The following RNF24 variants were observed in gnomAD, a reference collection of about 807,000 sequenced individuals.
RNF24 encodes the protein ring finger protein 24.
In RNF24, 14 loss-of-function variants were observed where a neutral mutation model predicts 20.0. The observed-to-expected ratio is 0.70, with a 90% CI of 0.46 to 1.10. The LOEUF is 1.10. Ranked by LOEUF, RNF24 falls within the 50% of genes least tolerant of loss-of-function variation. The pLI, the probability that RNF24 is intolerant of heterozygous loss-of-function variation, is 0.00. For synonymous variants in RNF24, 45 were observed against 61.1 expected (o/e 0.74, Z 1.23); for missense variants, 124 against 177.6 (o/e 0.70, Z 1.71).
intron 1 of RNF24, among the ~76,000 whole-genome samples, chr20:3,965,955 G>A: frequency 6.6e-6 from 1 of 151,946 alleles, no homozygotes; most frequent in Non-Finnish European, 1.5e-5. Context: ...CCAACATGGC[G>A]ACAATGTGTC....
At chr20:3,964,061 A>G in intron 1 of RNF24, 37 bp from the exon 2 acceptor site, 2 of 1,597,456 alleles carry the variant, frequency 1.3e-6, no homozygotes, top group Non-Finnish European at 1.7e-6. Flanking sequence ...AAAATAGGTA[A>G]AGACTAAGAA....
At chr20:3,992,412 G>A (rs975030417) in intron 1 of RNF24, among the ~76,000 whole-genome samples, 4 of 152,048 alleles carry the variant, frequency 2.6e-5, no homozygotes, top group Non-Finnish European at 5.9e-5. Flanking sequence ...CATGAAATAC[G>A]GACTTAGAAT....
chr20:4,010,005 C>G (rs1982315142), intron 1 of RNF24, among the ~76,000 whole-genome samples: 1 of 148,308 alleles, frequency 6.7e-6, no homozygotes, highest in South Asian at 2.2e-4. Flanking sequence ...GAGCCGAGAT[C>G]ACGCCACTGC....
At position 3,932,931 on chromosome 20, in the gene RNF24, C is replaced by A. The variant is rs1202989887; in HGVS notation, c.*1132G>T. 5.0e-6 allele frequency: 2 copies of A among 398,608 alleles called. No homozygotes were observed. Among genetic ancestry groups the A allele is most frequent in the East Asian group, 7.1e-5 (2 of 28,080 alleles). The allele number at this position is 398,608 out of a possible 1,614,324, so 24.7% of individuals were successfully genotyped here. ...ACTTTCAGTTTCGGAAGTCCAAATACTGAGGCACACACCAACGGTGGACAG... is the reference window on the plus strand; with the variant it reads ...ACTTTCAGTTTCGGAAGTCCAAATAATGAGGCACACACCAACGGTGGACAG... On this transcript the variant is annotated 3_prime_UTR_variant, in exon 6 of 6. Coordinates refer to ENST00000358395, the MANE Select transcript of RNF24 (RefSeq NM_001134337.3).
intron 1 of RNF24, among the ~76,000 whole-genome samples, chr20:4,014,106 A>G (rs1028689173): frequency 5.3e-5 from 8 of 152,226 alleles, no homozygotes; most frequent in Admixed American, 1.3e-4. Context: ...GGAGATGAGG[A>G]CAATGAAAAA....
At chr20:3,935,766 G>A (rs547566537) in intron 4 of RNF24, among the ~76,000 whole-genome samples, 3 of 152,340 alleles carry the variant, frequency 2.0e-5, no homozygotes, top group African/African-American at 7.2e-5. Context: ...ACCAGGGCCC[G>A]TGGATACCAT....
intron 4 of RNF24, among the ~76,000 whole-genome samples, chr20:3,936,413 C>T (rs990350804): frequency 2.0e-5 from 3 of 152,184 alleles, no homozygotes; most frequent in African/African-American, 7.2e-5. Context: ...GTCATCAGCT[C>T]AGCTTGGGGG....
At chr20:3,953,562 T>A (rs2091106936) in intron 2 of RNF24, among the ~76,000 whole-genome samples, 1 of 149,212 alleles carries the variant, frequency 6.7e-6, no homozygotes, top group Non-Finnish European at 1.5e-5. Context: ...CCTCCCAGGT[T>A]CAAGCAAGTC....
chr20:3,943,975 C>T (rs2090987056), intron 4 of RNF24, among the ~76,000 whole-genome samples: 1 of 151,954 alleles, frequency 6.6e-6, no homozygotes, highest in Non-Finnish European at 1.5e-5. Context: ...TTTGGGAGGC[C>T]GAGGTGGGTG....
chr20:4,013,730 C>T (rs748496999), intron 1 of RNF24, among the ~76,000 whole-genome samples: 23 of 152,208 alleles, frequency 1.5e-4, no homozygotes, highest in Non-Finnish European at 3.1e-4. Context: ...GGTGATCCAC[C>T]CACCTCGGCC....
chr20:3,996,681 A>T (rs1211400368), intron 1 of RNF24, among the ~76,000 whole-genome samples: 1 of 152,200 alleles, frequency 6.6e-6, no homozygotes, highest in Non-Finnish European at 1.5e-5. Flanking sequence ...TGGCCAATGT[A>T]ACTGATGCAC....
chr20:3,968,503 A>G (rs2091282999), intron 1 of RNF24, among the ~76,000 whole-genome samples: 1 of 152,084 alleles, frequency 6.6e-6, no homozygotes, highest in South Asian at 2.1e-4. Flanking sequence ...TTGTAGTACT[A>G]GTTACTCTGG....
At chr20:3,953,018 T>C (rs2091099515) in intron 2 of RNF24, among the ~76,000 whole-genome samples, 1 of 152,182 alleles carries the variant, frequency 6.6e-6, no homozygotes, top group Non-Finnish European at 1.5e-5. Flanking sequence ...CCTCATGAAA[T>C]GAGCTGAGAA....
chr20:3,986,155 C>G lies in RNF24; in HGVS notation c.-7-22131G>C, dbSNP rs766071838. Among the ~76,000 whole-genome samples, 81 of 152,184 alleles carry G rather than the reference C, an allele frequency of 5.3e-4. 3 individuals carry two copies. The highest frequency in any genetic ancestry group is 1.3e-4 in the Non-Finnish European group (9 of 68,030). ...TTGAGGGCAAAGAAGAATTTGACGT[C>G]TCATGTTCCCTTTGTTTTTTAACTG... On this transcript the variant is annotated intron_variant, in intron 1 of 5. Coordinates refer to ENST00000358395, the MANE Select transcript of RNF24 (RefSeq NM_001134337.3).
At chr20:3,964,111 T>C in intron 1 of RNF24, 87 bp from the exon 2 acceptor site, 1 of 1,078,472 alleles carries the variant, frequency 9.3e-7, no homozygotes, top group Non-Finnish European at 1.3e-6. Flanking sequence ...AGAGGCACAA[T>C]GACCTCATCT....
Position 3,933,147 on chromosome 20 carries a change from A to G in RNF24, c.*916T>C. The G allele has an allele frequency of 5.2e-6, 2 of 387,382 alleles. No homozygotes were observed. Among genetic ancestry groups the G allele is most frequent in the South Asian group, 2.7e-4 (2 of 7,482 alleles). The allele number at this position is 387,382 out of a possible 1,614,324, so 24.0% of individuals were successfully genotyped here. A position where few individuals can be genotyped will look rare whatever the true frequency, so the allele number is the denominator to read the frequency against. On this transcript the variant is annotated 3_prime_UTR_variant, in exon 6 of 6. Coordinates refer to ENST00000358395, the MANE Select transcript of RNF24 (RefSeq NM_001134337.3). ...AGAGATGGAAGGAGGGGGAGAGGCC[A>G]AAGGGTCGGCATTCCCTTCATCCAG...
At chr20:3,990,832 C>T (rs1443886203) in intron 1 of RNF24, among the ~76,000 whole-genome samples, 1 of 151,908 alleles carries the variant, frequency 6.6e-6, no homozygotes, top group African/African-American at 2.4e-5. Flanking sequence ...GCTATGATCA[C>T]ATCACTGCAT....
chr20:3,952,346 TG>T (rs2091091024), intron 2 of RNF24, among the ~76,000 whole-genome samples: 1 of 152,120 alleles, frequency 6.6e-6, no homozygotes, highest in African/African-American at 2.4e-5. Flanking sequence ...TAAATAGTGT[TG>T]AAAAAAATCT....
At chr20:3,955,145 A>G (rs1249874226) in intron 2 of RNF24, among the ~76,000 whole-genome samples, 1 of 152,170 alleles carries the variant, frequency 6.6e-6, no homozygotes, top group African/African-American at 2.4e-5. Flanking sequence ...CTTGTTGGCC[A>G]TTTGTGTAAC....
Sources: gnomAD v4.1 joint callset for allele counts (sites outside exome capture counted in the v4.1 genomes callset) on GRCh38, gnomAD v4.1.1 for gene constraint, MANE v1.5 for transcripts, NCBI Gene and HGNC (gene_info 2026-07-23, HGNC 2026-07-21) for gene names.